The following EDNRB variants were observed in gnomAD, a reference collection of about 807,000 sequenced individuals.
The protein encoded by EDNRB is Hirschsprung disease 2.
A neutral mutation model predicts 46.4 loss-of-function variants in EDNRB; 18 were observed. That is an observed-to-expected ratio of 0.39 (90% CI 0.27 to 0.57). EDNRB has a LOEUF of 0.57. Among genes scored for constraint, EDNRB ranks in the 20% least tolerant of loss-of-function variants. The probability of loss-of-function intolerance (pLI) is 0.61; values close to 1 mark genes in which losing one functional copy is unlikely to be tolerated. For missense variants in EDNRB, 434 were observed against 537.5 expected (o/e 0.81, Z 1.90); for synonymous variants, 213 against 204.9 (o/e 1.04, Z -0.34).
rs200276436 is a variant in EDNRB, at chr13:77,896,159, A to G, written c.*2041T>C. Reference sequence around the variant, plus strand: ...TAATGCAAGTATGCTTTTTGTGTGTAGTTTCAAAATTTGGCAAGATAATTA... The same window carrying G: ...TAATGCAAGTATGCTTTTTGTGTGTGGTTTCAAAATTTGGCAAGATAATTA... On this transcript the variant is annotated 3_prime_UTR_variant, in exon 7 of 7. Transcript: ENST00000646607. The G allele has an allele frequency of 7.6e-5, 13 of 170,776 alleles. No individual in the cohort carries two copies. The East Asian group carries it at 1.8e-3, about 24-fold the overall frequency. The allele number at this position is 170,776 out of a possible 1,614,324, so 10.6% of individuals were successfully genotyped here. A position where few individuals can be genotyped will look rare whatever the true frequency, so the allele number is the denominator to read the frequency against.
intron 1 of EDNRB, among the ~76,000 whole-genome samples, chr13:77,942,666 TG>T (rs1230611523): frequency 2.0e-5 from 3 of 152,158 alleles, no homozygotes; most frequent in Non-Finnish European, 4.4e-5. Flanking sequence ...TAGAAATAAC[TG>T]TATTTACCCA....
intron 1 of EDNRB, among the ~76,000 whole-genome samples, chr13:77,972,059 A>G (rs1473517560): frequency 6.6e-6 from 1 of 152,176 alleles, no homozygotes; most frequent in African/African-American, 2.4e-5. Flanking sequence ...GTCGTGAGAG[A>G]CATGAAGTGA....
intron 1 of EDNRB, among the ~76,000 whole-genome samples, chr13:77,911,830 C>A (rs7318710): frequency 0.011 from 1,643 of 152,016 alleles, 21 homozygotes; most frequent in African/African-American, 0.028. Context: ...TAAGGTATAC[C>A]CACACACCAC....
At chr13:77,970,531 A>G (rs757620642) in intron 1 of EDNRB, among the ~76,000 whole-genome samples, 1 of 152,170 alleles carries the variant, frequency 6.6e-6, no homozygotes, top group Non-Finnish European at 1.5e-5. Context: ...CGTCTTGTGC[A>G]TAAGTAGCAG....
chr13:77,959,626 T>C (rs1881343268), intron 1 of EDNRB, among the ~76,000 whole-genome samples: 1 of 152,094 alleles, frequency 6.6e-6, no homozygotes, highest in Admixed American at 6.5e-5. Flanking sequence ...TTCTAAAAAT[T>C]AGAATGCCTC....
chr13:77,970,225 G>A (rs922691790), intron 1 of EDNRB, among the ~76,000 whole-genome samples: 1 of 152,162 alleles, frequency 6.6e-6, no homozygotes, highest in Admixed American at 6.6e-5. Context: ...TCTAGACCCA[G>A]TATAACATAA....
chr13:77,907,186 A>C (rs1171103901), intron 1 of EDNRB, among the ~76,000 whole-genome samples: 1 of 151,960 alleles, frequency 6.6e-6, no homozygotes, highest in African/African-American at 2.4e-5. Context: ...GTCTGTGAGG[A>C]TGTGTCTGGA....
At chr13:77,966,714 C>G (rs1757409913) in intron 1 of EDNRB, among the ~76,000 whole-genome samples, 1 of 152,158 alleles carries the variant, frequency 6.6e-6, no homozygotes, top group Admixed American at 6.5e-5. Context: ...ACTCTTTCAA[C>G]ATAGATAAGC....
chr13:77,918,405 C>T lies in EDNRB; in HGVS notation c.169G>A (p.Gly57Ser), dbSNP rs1801710. Residue 57 changes from glycine (G) to serine (S), a missense_variant, in exon 1 of 7, where the codon GGT becomes AGT. Physicochemically the swap from Gly to Ser is moderately conservative, Grantham distance 56 (BLOSUM62 0). Transcript: ENST00000646607. The surrounding 1 kb of genome is among the most constrained non-coding windows in gnomAD (Gnocchi z 4.5). ...GACCGCGCCAGACTGGCGTTGGAAC[C>T]CTTGGGCCATAAGGTCTTAGTGGGT... The part of the protein sequence containing the change: ...TPPTKTLWPK[G>S]SNASLARSLA... The T allele has an allele frequency of 6.3e-3, 10,131 of 1,597,292 alleles. 45 individuals are homozygous for T. Among genetic ancestry groups the T allele is most frequent in the Non-Finnish European group, 7.8e-3 (9,099 of 1,171,000 alleles).
chr13:77,965,127 T>C (rs1389868616), intron 1 of EDNRB, among the ~76,000 whole-genome samples: 1 of 152,202 alleles, frequency 6.6e-6, no homozygotes, highest in Non-Finnish European at 1.5e-5. Flanking sequence ...TGTTCACATT[T>C]ACAGAAAGGT....
At chr13:77,966,513 A>G (rs927821562) in intron 1 of EDNRB, among the ~76,000 whole-genome samples, 2 of 152,222 alleles carry the variant, frequency 1.3e-5, no homozygotes, top group African/African-American at 2.4e-5. Flanking sequence ...ATTTGACTTT[A>G]ATGACAAAAC....
intron 3 of EDNRB, 65 bp downstream of exon 3, chr13:77,903,089 CAG>C: frequency 1.3e-6 from 2 of 1,546,256 alleles, no homozygotes; most frequent in Middle Eastern, 1.7e-4. Flanking sequence ...GAGTGGGGAA[CAG>C]GGGAAAAATA....
In EDNRB at chr13:77,950,234, CAT is replaced by C. The variant is rs541327582; in HGVS notation, c.-52+25111_-52+25112del. Among the ~76,000 whole-genome samples, 401 of 152,284 alleles carry C rather than the reference CAT, an allele frequency of 2.6e-3. 4 individuals carry two copies. The highest frequency in any genetic ancestry group is 9.3e-3 in the African/African-American group (385 of 41,546). On this transcript the variant is annotated intron_variant, in intron 1 of 7. Transcript: ENST00000646948. ...CCTCTTTATATACAGCCAAATCAGA[CAT>C]AGAAAAGGGAACATGTACTCTCACA...
chr13:77,924,567 C>T (rs910020306), upstream of EDNRB, among the ~76,000 whole-genome samples: 1 of 152,196 alleles, frequency 6.6e-6, no homozygotes, highest in African/African-American at 2.4e-5. Flanking sequence ...AATTTAACAT[C>T]TTAACCATTT....
intron 1 of EDNRB, among the ~76,000 whole-genome samples, chr13:77,959,869 G>A (rs922970909): frequency 1.1e-4 from 16 of 152,212 alleles, no homozygotes; most frequent in African/African-American, 3.9e-4. Context: ...AAAAACCATG[G>A]CACAAGAACT....
chr13:77,931,022 C>A (rs1337443103), intron 1 of EDNRB, among the ~76,000 whole-genome samples: 3 of 152,158 alleles, frequency 2.0e-5, no homozygotes, highest in Non-Finnish European at 4.4e-5. Flanking sequence ...CAAAGAGAAA[C>A]AGGAATTCGG....
In EDNRB at chr13:77,964,244, C is replaced by G. The variant is rs968414707; in HGVS notation, c.-52+11103G>C. Among the ~76,000 whole-genome samples, 3 of 152,276 alleles carry G rather than the reference C, an allele frequency of 2.0e-5. No homozygotes were observed. The East Asian group carries it at 5.8e-4, about 29-fold the overall frequency. ...CTCAAGGATCTAGAACTAGAAATAC[C>G]ATTTGATCCAGCCATCCCATTACTG... On this transcript the variant is annotated intron_variant, in intron 1 of 7. Transcript: ENST00000646948.
At chr13:77,906,454 A>G (rs975208186) in intron 1 of EDNRB, among the ~76,000 whole-genome samples, 4 of 152,006 alleles carry the variant, frequency 2.6e-5, no homozygotes, top group East Asian at 1.9e-4. Context: ...TTTGTTTTCA[A>G]TGAATACAAT....
chr13:77,937,764 G>C (rs1880610990), intron 1 of EDNRB, among the ~76,000 whole-genome samples: 1 of 152,032 alleles, frequency 6.6e-6, no homozygotes, highest in Non-Finnish European at 1.5e-5. Context: ...GGCGATGAGG[G>C]GAGAGGTCAG....
Sources: gnomAD v4.1 joint callset for allele counts (sites outside exome capture counted in the v4.1 genomes callset) on GRCh38, gnomAD v4.1.1 for gene constraint, Gnocchi (gnomAD v3.1) non-coding constraint, MANE v1.5 for transcripts, NCBI Gene and HGNC (gene_info 2026-07-23, HGNC 2026-07-21) for gene names.